Variants in IGDCC3 observed in about 807,000 individuals in gnomAD.
IGDCC3 encodes the protein putative neuronal cell adhesion molecule.
Under a neutral mutation model 72.0 loss-of-function variants are expected in IGDCC3, and 47 were observed. That is an observed-to-expected ratio of 0.65 (90% CI 0.52 to 0.83). The LOEUF is 0.83. IGDCC3 is among the 40% of genes least tolerant of loss of function. The pLI, the probability that IGDCC3 is intolerant of heterozygous loss-of-function variation, is 0.00. For missense variants in IGDCC3, 1,038 were observed against 1,091.3 expected (o/e 0.95, Z 0.69); for synonymous variants, 477 against 472.8 (o/e 1.01, Z -0.11).
At chr15:65,331,904 C>A in intron 7 of IGDCC3, 37 bp downstream of exon 7, 1 of 1,593,946 alleles carries the variant, frequency 6.3e-7, no homozygotes, top group South Asian at 1.1e-5. Flanking sequence ...TCCCTGCTCT[C>A]CCCTGGTCCT....
At chr15:65,330,995 G>A in intron 9 of IGDCC3, 55 bp downstream of exon 9, 1 of 1,587,882 alleles carries the variant, frequency 6.3e-7, no homozygotes, top group African/African-American at 1.3e-5. Flanking sequence ...TGGTGGTTCT[G>A]CTCTGATACC....
chr15:65,330,028 C>CT (rs902675644), intron 11 of IGDCC3, among the ~76,000 whole-genome samples, 164 bp from the exon 12 acceptor site: 1 of 152,110 alleles, frequency 6.6e-6, no homozygotes, highest in African/African-American at 2.4e-5. Flanking sequence ...CTTTTTGGTT[C>CT]TTTTTACCAG....
At chr15:65,340,493 T>C (rs1308122476) in intron 2 of IGDCC3, among the ~76,000 whole-genome samples, 2 of 152,156 alleles carry the variant, frequency 1.3e-5, no homozygotes, top group East Asian at 1.9e-4. Flanking sequence ...CATACAGCCA[T>C]TCAAGAGGGG....
At chr15:65,368,230 G>A (rs1374557344) in intron 2 of IGDCC3, among the ~76,000 whole-genome samples, 1 of 151,340 alleles carries the variant, frequency 6.6e-6, no homozygotes, top group Non-Finnish European at 1.5e-5. Context: ...GAGAAGAGGG[G>A]AGAGGGAAAG....
chr15:65,345,902 T>C (rs2091120703), intron 2 of IGDCC3, among the ~76,000 whole-genome samples: 1 of 152,200 alleles, frequency 6.6e-6, no homozygotes, highest in Non-Finnish European at 1.5e-5. Context: ...ATGGTCTGAC[T>C]CAAAATCCAA....
chr15:65,361,168 C>T (rs895531225), intron 2 of IGDCC3, among the ~76,000 whole-genome samples: 2 of 152,136 alleles, frequency 1.3e-5, no homozygotes, highest in African/African-American at 4.8e-5. Flanking sequence ...GTGGCTCAAG[C>T]CTGTAATCCC....
chr15:65,366,138 G>T (rs1372565055), intron 2 of IGDCC3, among the ~76,000 whole-genome samples: 1 of 151,100 alleles, frequency 6.6e-6, no homozygotes, highest in Admixed American at 6.6e-5. Flanking sequence ...AACCCGGGAG[G>T]TGGAGGTTGC....
intron 2 of IGDCC3, among the ~76,000 whole-genome samples, chr15:65,347,282 G>T (rs988671892): frequency 6.6e-6 from 1 of 152,202 alleles, no homozygotes. Context: ...TAATATAGTT[G>T]GGATTTAGGT....
chr15:65,355,904 C>T (rs917814304), intron 2 of IGDCC3: 2 of 307,512 alleles, frequency 6.5e-6, no homozygotes, highest in African/African-American at 4.5e-5. Context: ...GGCCCCGGCG[C>T]ACTCGCGGCG....
chr15:65,358,247 A>G (rs1334342142), intron 2 of IGDCC3, among the ~76,000 whole-genome samples: 11 of 151,642 alleles, frequency 7.3e-5, no homozygotes, highest in Admixed American at 7.2e-4. Context: ...CTGGGACTAC[A>G]GGCACCCACC....
chr15:65,328,896 T>C lies in IGDCC3; in HGVS notation c.*13A>G. 2 of 1,517,608 alleles carry C rather than the reference T, an allele frequency of 1.3e-6. No individual in the cohort carries two copies. Among genetic ancestry groups the C allele is most frequent in the Non-Finnish European group, 1.8e-6 (2 of 1,136,152 alleles). The allele number at this position is 1,517,608 out of a possible 1,614,324, so 94.0% of individuals were successfully genotyped here. On this transcript the variant is annotated 3_prime_UTR_variant, in exon 14 of 14. Coordinates refer to ENST00000327987, the MANE Select transcript of IGDCC3 (RefSeq NM_004884.4). ...CCCGCTCCGTCCACCCTCTGGAGCC[T>C]GCCAGACACTGGCTACTGTTCCGAG...
In IGDCC3 at chr15:65,375,805, A is replaced by G. The variant is rs1041262581; in HGVS notation, c.104-403T>C. On this transcript the variant is annotated intron_variant, in intron 1 of 13. Transcript: ENST00000327987. ...CTGGATAAGCACTGAAGCCTCACAG[A>G]CCTTCAGGGTGTGACCTTAGGTAAA... is the stretch of plus-strand genomic sequence containing the variant. Among the ~76,000 whole-genome samples the G allele has an allele frequency of 3.3e-5, 5 of 152,242 alleles. No homozygotes were observed. The South Asian group carries it at 8.3e-4, about 25-fold the overall frequency.
At chr15:65,335,787 T>C in intron 3 of IGDCC3, 25 bp downstream of exon 3, 1 of 1,613,468 alleles carries the variant, frequency 6.2e-7, no homozygotes, top group Non-Finnish European at 8.5e-7. Flanking sequence ...TTGTCCTCCC[T>C]CTGTCTTTCC....
In IGDCC3 at chr15:65,328,871, C is replaced by T; in HGVS notation, c.*38G>A. On this transcript the variant is annotated 3_prime_UTR_variant, in exon 14 of 14. Transcript: ENST00000327987. ...TCTTGCTTTTGACCTGAGAATGGGC[C>T]CCGCTCCGTCCACCCTCTGGAGCCT... 1 of 1,502,188 alleles carries T rather than the reference C, an allele frequency of 6.7e-7. No individual in the cohort carries two copies. Among genetic ancestry groups the T allele is most frequent in the East Asian group, 2.4e-5 (1 of 41,722 alleles). The allele number at this position is 1,502,188 out of a possible 1,614,324, so 93.1% of individuals were successfully genotyped here. A position where few individuals can be genotyped will look rare whatever the true frequency, so the allele number is the denominator to read the frequency against.
At chr15:65,350,441 C>T (rs938997474) in intron 2 of IGDCC3, among the ~76,000 whole-genome samples, 4 of 150,628 alleles carry the variant, frequency 2.7e-5, no homozygotes, top group East Asian at 2.0e-4. Flanking sequence ...TAAGCCACCA[C>T]GTCCAGCCTG....
Position 65,332,090 on chromosome 15 carries a change from C to T in IGDCC3, c.999G>A (p.Val333=). 6.2e-7 allele frequency: 1 copy of T among 1,613,538 alleles called. No homozygotes were observed. The highest frequency in any genetic ancestry group is 8.5e-7 in the Non-Finnish European group (1 of 1,179,754). The change falls in exon 7 of 14, where the codon GTG becomes GTA. Residue 333 remains valine (V), a synonymous_variant. Coordinates refer to ENST00000327987, the MANE Select transcript of IGDCC3 (RefSeq NM_004884.4). The part of the protein sequence containing the change: ...RLVVQAPAEF[V]QHPQSISRPA... ...GCCTGGAGATGGACTGGGGATGCTG[C>T]ACAAACTCAGCTGGGGCTGCGAGTA...
In IGDCC3 at chr15:65,329,854, T is replaced by G. The variant is rs1466013980; in HGVS notation, c.1869A>C (p.Pro623=). ...RGASERTALS[P]PCDCRKEEAA... is the part of the protein sequence containing the mutation. ...CCTCCTCCTTCCGGCAGTCACATGG[T>G]GGGCTCAAGGCTGGGGACAGGGACG... The change falls in exon 12 of 14, where the codon CCA becomes CCC. Residue 623 remains proline (P), a synonymous_variant. Coordinates refer to ENST00000327987, the MANE Select transcript of IGDCC3 (RefSeq NM_004884.4). The surrounding 1 kb of genome is among the most constrained non-coding windows in gnomAD (Gnocchi z 4.1). 1 of 1,613,966 alleles carries G rather than the reference T, an allele frequency of 6.2e-7. No homozygotes were observed. The highest frequency in any genetic ancestry group is 1.1e-5 in the South Asian group (1 of 91,078).
Position 65,375,715 on chromosome 15 carries a change from T to C in IGDCC3, c.104-313A>G, listed in dbSNP as rs184788419. Among the ~76,000 whole-genome samples the C allele has an allele frequency of 1.8e-4, 28 of 152,342 alleles. No individual in the cohort carries two copies. In the East Asian group the frequency reaches 2.5e-3, roughly 14 times the overall value. ...TTGCCCAGGGTCTCACAGTCAGTAG[T>C]TGCAAAACTGAGACCCAAAAGCAAG... is the stretch of plus-strand genomic sequence containing the variant. On this transcript the variant is annotated intron_variant, in intron 1 of 13. Coordinates refer to ENST00000327987, the MANE Select transcript of IGDCC3 (RefSeq NM_004884.4).
intron 2 of IGDCC3, among the ~76,000 whole-genome samples, chr15:65,337,853 C>T (rs2091044974): frequency 6.6e-6 from 1 of 152,156 alleles, no homozygotes; most frequent in Admixed American, 6.5e-5. Flanking sequence ...ATAGGAGTTC[C>T]CAGTCCCCCA....
Sources: allele counts gnomAD v4.1 joint callset (sites outside exome capture counted in the v4.1 genomes callset), GRCh38; gene constraint gnomAD v4.1.1; non-coding constraint Gnocchi (gnomAD v3.1); transcripts MANE v1.5; gene names NCBI Gene and HGNC (gene_info 2026-07-23, HGNC 2026-07-21).